RIF1: variants seen among roughly 807,000 people sequenced by gnomAD.
RIF1 encodes the protein replication timing regulatory factor 1.
Under a neutral mutation model 247.1 loss-of-function variants are expected in RIF1, and 45 were observed. The observed-to-expected ratio is 0.18, with a 90% CI of 0.14 to 0.23. The LOEUF is 0.23. Among genes scored for constraint, RIF1 ranks in the 10% least tolerant of loss-of-function variants. The probability of loss-of-function intolerance (pLI) is 1.00; values close to 1 mark genes in which losing one functional copy is unlikely to be tolerated. For synonymous variants in RIF1, 1,087 were observed against 978.8 expected (o/e 1.11, Z -2.06); for missense variants, 2,967 against 2,862.5 (o/e 1.04, Z -0.83).
chr2:151,469,771 T>C lies in RIF1; in HGVS notation c.7002T>C (p.Ser2334=). 1 of 1,610,364 alleles carries C rather than the reference T, an allele frequency of 6.2e-7. No individual in the cohort carries two copies. The highest frequency in any genetic ancestry group is 8.5e-7 in the Non-Finnish European group (1 of 1,177,568). Residue 2334 remains serine, a synonymous_variant, in exon 34 of 36, where the codon AGT becomes AGC. Coordinates refer to ENST00000444746, the MANE Select transcript of RIF1 (RefSeq NM_018151.5). ...AKNIKTIGDL[S]TLTASEIKTL... ...ATATAAAAACTATTGGTGATTTGAG[T>C]ACTCTTACAGCATCTGAAATAAAAA...
intron 2 of RIF1, 75 bp downstream of exon 2, chr2:151,410,602 G>A: frequency 2.5e-6 from 3 of 1,186,730 alleles, no homozygotes; most frequent in South Asian, 1.3e-5. Flanking sequence ...TGGGAGGGGC[G>A]CGTAGAATGA....
rs761452043 is a variant in RIF1 at position 151,499,252 on chromosome 2, T to TAAAC, written c.*514-91_*514-88dup. On this transcript the variant is annotated intron_variant and NMD_transcript_variant, in intron 10 of 13. Coordinates refer to the RIF1 transcript ENST00000454583. ...TTTAAAATCTAGCCATTAATCTTTT[T>TAAAC]AAACATTTTTTTAAATAATTAAAGG... The TAAAC allele has an allele frequency of 1.0e-5, 11 of 1,051,022 alleles. No individual in the cohort carries two copies. In the African/African-American group the frequency reaches 1.3e-4, roughly 12 times the overall value. The allele number at this position is 1,051,022 out of a possible 1,614,324, so 65.1% of individuals were successfully genotyped here.
intron 11 of RIF1, among the ~76,000 whole-genome samples, chr2:151,499,756 T>G (rs1451095062): frequency 1.3e-5 from 2 of 152,264 alleles, no homozygotes; most frequent in Non-Finnish European, 2.9e-5. Flanking sequence ...AGCGTTTGTC[T>G]TACGGTCTAA....
chr2:151,497,245 A>G (rs903751215), intron 10 of RIF1: 3 of 856,004 alleles, frequency 3.5e-6, no homozygotes, highest in Admixed American at 6.2e-5. Context: ...CAGGGACCTC[A>G]GCTGCTGGGG....
chr2:151,420,703 C>G (rs746941314), intron 7 of RIF1, among the ~76,000 whole-genome samples: 1 of 140,706 alleles, frequency 7.1e-6, no homozygotes, highest in Non-Finnish European at 1.5e-5. Flanking sequence ...CCACTGCATT[C>G]TAGCCTGGGT....
At chr2:151,486,191 A>T, downstream of RIF1, 1 of 410,196 alleles carries the variant, frequency 2.4e-6, no homozygotes, top group Non-Finnish European at 4.4e-6. Flanking sequence ...GAGGCAAAGG[A>T]TATGAATAGA....
the RIF1 span, chr2:151,524,758 C>G: frequency 1.4e-6 from 1 of 713,024 alleles, no homozygotes; most frequent in Non-Finnish European, 2.3e-6. Flanking sequence ...CTTCTGTCTC[C>G]CGGATTCAAG....
intron 15 of RIF1, among the ~76,000 whole-genome samples, chr2:151,440,592 CAT>C (rs1300940913): frequency 1.3e-5 from 2 of 151,944 alleles, no homozygotes; most frequent in African/African-American, 2.4e-5. Context: ...AGGATATGGG[CAT>C]CTCAAAATAA....
At position 151,461,279 on chromosome 2, in the gene RIF1, A is replaced by G; in HGVS notation, c.3217A>G (p.Lys1073Glu). The G allele has an allele frequency of 6.2e-7, 1 of 1,612,178 alleles. No individual in the cohort carries two copies. The highest frequency in any genetic ancestry group is 8.5e-7 in the Non-Finnish European group (1 of 1,179,620). Residue 1073 changes from lysine (K) to glutamate (E), a missense_variant, in exon 27 of 36, where the codon AAA becomes GAA. By Grantham distance (56) the Lys-to-Glu change is moderately conservative. Around this residue, in one of 7 missense-constraint regions of RIF1, gnomAD observed 2,028 missense variants for 1,825.6 expected, o/e 1.11. Coordinates refer to ENST00000444746, the MANE Select transcript of RIF1 (RefSeq NM_018151.5). ...AACTGATCATCAAAAAGAAGTTCTC[A>G]AAACAAAGCGGTTTGTAGGCCTTTT... ...ILTDHQKEVL[K>E]TKRCDIPAMY...
chr2:151,447,845 A>G (rs1174579541), intron 20 of RIF1, among the ~76,000 whole-genome samples: 3 of 152,148 alleles, frequency 2.0e-5, no homozygotes, highest in Non-Finnish European at 4.4e-5. Flanking sequence ...CTGGCCTGGA[A>G]TTCTGTTATT....
chr2:151,469,685 T>C (rs749676561), intron 33 of RIF1, 26 bp from the exon 34 acceptor site: 8 of 1,471,068 alleles, frequency 5.4e-6, no homozygotes. Flanking sequence ...TATATAATTA[T>C]AATTTCCTGT....
downstream of RIF1, among the ~76,000 whole-genome samples, chr2:151,509,688 C>T (rs561268084): frequency 2.0e-5 from 3 of 152,214 alleles, no homozygotes; most frequent in South Asian, 2.1e-4. Context: ...AGTCCAGTGA[C>T]GTGATCTTGG....
At chr2:151,502,717 A>C (rs1284997318) in intron 11 of RIF1, 36 of 806,268 alleles carry the variant, frequency 4.5e-5, no homozygotes, top group Non-Finnish European at 7.2e-5. Context: ...TGAATTTAGT[A>C]ATTTTACATT....
chr2:151,426,694 G>A (rs1012358566), intron 8 of RIF1, among the ~76,000 whole-genome samples: 1 of 149,338 alleles, frequency 6.7e-6, no homozygotes, highest in Non-Finnish European at 1.5e-5. Flanking sequence ...ACAGAGTCTC[G>A]CTCTGTTGTC....
At chr2:151,469,965 T>G in intron 34 of RIF1, 101 bp downstream of exon 34, 1 of 793,760 alleles carries the variant, frequency 1.3e-6, no homozygotes, top group East Asian at 2.7e-5. Context: ...CACAGGGAAA[T>G]TGATTCATTT....
At chr2:151,423,225 A>G in intron 8 of RIF1, 183 bp downstream of exon 8, 1 of 523,954 alleles carries the variant, frequency 1.9e-6, no homozygotes, top group Non-Finnish European at 3.3e-6. Context: ...TTTTGCTTTC[A>G]TTTGTAGACA....
the RIF1 span, among the ~76,000 whole-genome samples, chr2:151,523,135 T>C: frequency 6.6e-6 from 1 of 152,220 alleles, no homozygotes; most frequent in Non-Finnish European, 1.5e-5. Context: ...TTTGCATTAA[T>C]AAGTTCTTGT....
At chr2:151,530,598 A>C in the RIF1 span, 37,012 of 159,748 alleles carry the variant, frequency 0.23, 5,106 homozygotes, top group Non-Finnish European at 0.31. Context: ...ATTTTTAAAA[A>C]ATCAGTACCT....
chr2:151,491,997 T>G, intron 9 of RIF1: 1 of 1,273,680 alleles, frequency 7.9e-7, no homozygotes, highest in South Asian at 1.4e-5. Flanking sequence ...GAAAAACAGA[T>G]TGAAGTCCTT....
Sources: allele counts gnomAD v4.1 joint callset (sites outside exome capture counted in the v4.1 genomes callset), GRCh38; gene constraint gnomAD v4.1.1; regional missense constraint gnomAD v4.1.1; transcripts MANE v1.5; gene names NCBI Gene and HGNC (gene_info 2026-07-23, HGNC 2026-07-21).